Variants in EPHB2 observed in about 807,000 individuals in gnomAD.
EPHB2 encodes the protein ephrin type-B receptor 2.
A neutral mutation model predicts 96.4 loss-of-function variants in EPHB2; 18 were observed. That is an observed-to-expected ratio of 0.19 (90% CI 0.13 to 0.28). The LOEUF (loss-of-function observed/expected upper bound fraction) is 0.28, where lower values mean the gene tolerates loss of function less well. EPHB2 is among the 10% of genes least tolerant of loss of function. The pLI, the probability that EPHB2 is intolerant of heterozygous loss-of-function variation, is 1.00. For missense variants in EPHB2, 989 were observed against 1,355.4 expected (o/e 0.73, Z 4.25); for synonymous variants, 506 against 534.1 (o/e 0.95, Z 0.72).
chr1:22,892,863 T>G, intron 6 of EPHB2, 21 bp from the exon 7 acceptor site: 1 of 1,614,164 alleles, frequency 6.2e-7, no homozygotes, highest in African/African-American at 1.3e-5. Context: ...CTCACTAATT[T>G]TCTTCTCTGT....
At chr1:22,760,250 C>T (rs1172608983) in intron 1 of EPHB2, among the ~76,000 whole-genome samples, 3 of 151,990 alleles carry the variant, frequency 2.0e-5, no homozygotes, top group Admixed American at 6.6e-5. Context: ...TGGAGGCTCA[C>T]AGAAAATGGG....
intron 3 of EPHB2, among the ~76,000 whole-genome samples, chr1:22,819,688 C>T (rs1305018861): frequency 2.0e-5 from 3 of 152,118 alleles, no homozygotes; most frequent in African/African-American, 7.2e-5. Context: ...ACCAGGCCTC[C>T]CCAGCCCCCA....
chr1:22,903,634 A>C (rs1251281032), intron 9 of EPHB2, among the ~76,000 whole-genome samples: 1 of 152,250 alleles, frequency 6.6e-6, no homozygotes, highest in East Asian at 1.9e-4. Context: ...TGAAATGGGA[A>C]TAATGGTCCT....
intron 9 of EPHB2, among the ~76,000 whole-genome samples, chr1:22,900,698 G>A (rs1450050527): frequency 6.6e-6 from 1 of 152,138 alleles, no homozygotes; most frequent in Non-Finnish European, 1.5e-5. Context: ...AGAGACCCCA[G>A]GGTTTGTTCC....
At chr1:22,865,833 G>T (rs1316341061) in intron 5 of EPHB2, among the ~76,000 whole-genome samples, 3 of 152,228 alleles carry the variant, frequency 2.0e-5, no homozygotes, top group East Asian at 3.9e-4. Context: ...AGTGCTTTCT[G>T]TGAAGTTCAG....
intron 5 of EPHB2, among the ~76,000 whole-genome samples, chr1:22,872,190 C>G (rs1570418244): frequency 6.6e-6 from 1 of 152,134 alleles, no homozygotes; most frequent in Admixed American, 6.5e-5. Context: ...TGCTGACCAT[C>G]AGCTGGGGGC....
intron 4 of EPHB2, among the ~76,000 whole-genome samples, chr1:22,864,034 CTTTT>C (rs201727615): frequency 1.5e-5 from 2 of 131,160 alleles, no homozygotes; most frequent in South Asian, 2.3e-4. Flanking sequence ...AGTTTCTGTT[CTTTT>C]TTTTTTTTTT....
At chr1:22,844,367 G>C (rs377497050) in intron 3 of EPHB2, among the ~76,000 whole-genome samples, 13 of 152,382 alleles carry the variant, frequency 8.5e-5, no homozygotes, top group South Asian at 6.2e-4. Flanking sequence ...GAAGAGCAGG[G>C]CTGGGATTGG....
intron 1 of EPHB2, among the ~76,000 whole-genome samples, chr1:22,780,625 G>A (rs151193972): frequency 5.9e-5 from 9 of 152,310 alleles, no homozygotes; most frequent in East Asian, 5.8e-4. Flanking sequence ...GCCCAAGTTC[G>A]TTTTTGAGAG....
rs1357827918 is a variant in EPHB2 at position 22,893,329 on chromosome 1, C to T, written c.1591+283C>T. On this transcript the variant is annotated intron_variant, in intron 7 of 15. Coordinates refer to ENST00000374630, the MANE Select transcript of EPHB2 (RefSeq NM_017449.5). ...CTGAGCAAGTCATGCATTCCTTGGT[C>T]CAATTTTTTCTCATCTATAAAATGA... Among the ~76,000 whole-genome samples the T allele has an allele frequency of 2.6e-5, 4 of 152,204 alleles. No homozygotes were observed. In the East Asian group the frequency reaches 7.7e-4, roughly 29 times the overall value.
At chr1:22,900,789 T>C (rs1040850146) in intron 9 of EPHB2, among the ~76,000 whole-genome samples, 2 of 152,202 alleles carry the variant, frequency 1.3e-5, no homozygotes, top group African/African-American at 4.8e-5. Context: ...AACTTTGTTC[T>C]GTTCAAAGCA....
At position 22,909,040 on chromosome 1, in the gene EPHB2, C is replaced by T. The variant is rs369660719; in HGVS notation, c.2371C>T (p.Arg791Cys). 3.7e-6 allele frequency: 6 copies of T among 1,614,170 alleles called. No homozygotes were observed. Among genetic ancestry groups the T allele is most frequent in the Non-Finnish European group, 5.1e-6 (6 of 1,180,028 alleles). Residue 791 changes from arginine to cysteine, a missense_variant, in exon 13 of 16, where the codon CGC becomes TGC. Physicochemically the swap from Arg to Cys is radical, Grantham distance 180. Coordinates refer to ENST00000374630, the MANE Select transcript of EPHB2 (RefSeq NM_017449.5). ...TSALGGKIPI[R>C]WTAPEAIQYR... Reference sequence around the variant, plus strand: ...CTCCCAGGGCGGAAAGATCCCCATCCGCTGGACAGCCCCGGAAGCCATCCA... The same window carrying T: ...CTCCCAGGGCGGAAAGATCCCCATCTGCTGGACAGCCCCGGAAGCCATCCA...
chr1:22,912,345 C>T (rs1640131000), intron 14 of EPHB2, 99 bp from the exon 15 acceptor site: 4 of 1,527,626 alleles, frequency 2.6e-6, no homozygotes, highest in Non-Finnish European at 2.7e-6. Context: ...AATGGATGCA[C>T]ACGTGCACAT....
intron 1 of EPHB2, among the ~76,000 whole-genome samples, chr1:22,713,413 C>A (rs185392612): frequency 1.3e-5 from 2 of 152,216 alleles, no homozygotes; most frequent in African/African-American, 4.8e-5. Flanking sequence ...TCGTCTACGC[C>A]CTACTTCCCC....
At chr1:22,880,421 G>A (rs572479337) in intron 5 of EPHB2, among the ~76,000 whole-genome samples, 52 of 152,354 alleles carry the variant, frequency 3.4e-4, no homozygotes, top group African/African-American at 1.1e-3. Flanking sequence ...GAGACAGGAC[G>A]TCTGCTTGTC....
intron 5 of EPHB2, among the ~76,000 whole-genome samples, chr1:22,877,571 CTT>C (rs950744605): frequency 9.9e-5 from 15 of 152,272 alleles, no homozygotes; most frequent in African/African-American, 3.6e-4. Context: ...TCATGGAACT[CTT>C]TGTATGGCTG....
rs1644580932 is a variant in EPHB2 at position 22,784,588 on chromosome 1, A to G, written c.323A>G (p.Lys108Arg). Residue 108 changes from lysine (K) to arginine (R), a missense_variant, in exon 3 of 16, where the codon AAG becomes AGG. By Grantham distance (26) the Lys-to-Arg change is conservative (BLOSUM62 2). Transcript: ENST00000374630. The surrounding 1 kb of genome is among the most constrained non-coding windows in gnomAD (Gnocchi z 5.1). ...SSIPSVPGSC[K>R]ETFNLYYYEA... is the part of the protein sequence containing the mutation. ...ATCCCCAGCGTGCCTGGCTCCTGCA[A>G]GGAGACCTTCAACCTCTATTACTAT... 6.2e-7 allele frequency: 1 copy of G among 1,614,150 alleles called. No homozygotes were observed. Among genetic ancestry groups the G allele is most frequent in the Non-Finnish European group, 8.5e-7 (1 of 1,180,026 alleles).
chr1:22,839,469 G>A (rs1042132169), intron 3 of EPHB2, among the ~76,000 whole-genome samples: 1 of 152,206 alleles, frequency 6.6e-6, no homozygotes, highest in Non-Finnish European at 1.5e-5. Context: ...AAGTCTGGGG[G>A]AGAAGAAAGT....
At chr1:22,782,475 C>T (rs1352665950) in intron 2 of EPHB2, among the ~76,000 whole-genome samples, 1 of 142,144 alleles carries the variant, frequency 7.0e-6, no homozygotes, top group Non-Finnish European at 1.5e-5. Context: ...ACCCCCCAGG[C>T]CTGTGCTCTC....
Sources: gnomAD v4.1 joint callset for allele counts (sites outside exome capture counted in the v4.1 genomes callset) on GRCh38, gnomAD v4.1.1 for gene constraint, Gnocchi (gnomAD v3.1) non-coding constraint, MANE v1.5 for transcripts, NCBI Gene and HGNC (gene_info 2026-07-23, HGNC 2026-07-21) for gene names.